HLA-F: variants seen among roughly 807,000 people sequenced by gnomAD.
The protein encoded by HLA-F is major histocompatibility complex, class I, F.
HLA-F carries 46 observed loss-of-function variants against 49.5 expected under a neutral mutation model. The ratio of observed to expected loss-of-function variants is 0.93; its 90% confidence interval spans 0.73 to 1.19. HLA-F has a LOEUF of 1.19. HLA-F is among the 50% of genes most tolerant of loss of function. The pLI is 0.00. For synonymous variants in HLA-F, 203 were observed against 233.5 expected (o/e 0.87, Z 1.19); for missense variants, 496 against 579.6 (o/e 0.86, Z 1.48).
At position 29,723,854 on chromosome 6, in the gene HLA-F, C is replaced by G. The variant is rs1368801137; in HGVS notation, c.261C>G (p.Tyr87Ter). 1 of 1,598,378 alleles carries G rather than the reference C, an allele frequency of 6.3e-7. No individual in the cohort carries two copies. The highest frequency in any genetic ancestry group is 1.3e-5 in the African/African-American group (1 of 74,266). ...GPQYWEWTTGYAKANAQTDRV... is the reference protein window; with the variant it reads ...GPQYWEWTTG ...AGTATTGGGAGTGGACCACAGGGTACGCCAAGGCCAACGCACAGACTGACC... is the reference window on the plus strand; with the variant it reads ...AGTATTGGGAGTGGACCACAGGGTAGGCCAAGGCCAACGCACAGACTGACC... Residue 87 changes from tyrosine to a stop codon, truncating the protein, a stop_gained, in exon 2 of 7, where the codon TAC (tyrosine) becomes TAG (stop). Transcript: ENST00000259951. LOFTEE classifies it high-confidence loss of function.
chr6:29,731,043 A>G (rs1291851470), downstream of HLA-F, among the ~76,000 whole-genome samples: 1 of 151,520 alleles, frequency 6.6e-6, no homozygotes, highest in Non-Finnish European at 1.5e-5. Flanking sequence ...GTTCTCAGAA[A>G]TGTCATGCCC....
At chr6:29,725,939 C>T (rs1205668945) in intron 5 of HLA-F, 72 bp from the exon 6 acceptor site, 2 of 1,511,704 alleles carry the variant, frequency 1.3e-6, no homozygotes, top group African/African-American at 1.4e-5. Context: ...GGATCAAAGA[C>T]TAGGGGTTTG....
intron 3 of HLA-F, chr6:29,736,332 G>A (rs531732848): frequency 5.4e-4 from 235 of 437,064 alleles, no homozygotes; most frequent in African/African-American, 4.5e-3. Flanking sequence ...TACTGCTCTT[G>A]TTGTAGATTC....
At position 29,727,238 on chromosome 6, in the gene HLA-F, T is replaced by C. The variant is rs1776199044; in HGVS notation, c.*63T>C. On this transcript the variant is annotated 3_prime_UTR_variant, in exon 7 of 7. Transcript: ENST00000259951. ...ACCACTAAATACTTCATCACACACC[T>C]CCTAAGAATAAGAACCAACATTATC... 9.8e-7 allele frequency: 1 copy of C among 1,018,428 alleles called. No individual in the cohort carries two copies. Among genetic ancestry groups the C allele is most frequent in the African/African-American group, 1.6e-5 (1 of 62,366 alleles). The allele number at this position is 1,018,428 out of a possible 1,614,324, so 63.1% of individuals were successfully genotyped here.
chr6:29,736,416 A>G (rs548364082), intron 3 of HLA-F: 2 of 453,932 alleles, frequency 4.4e-6, no homozygotes, highest in Admixed American at 4.8e-5. Flanking sequence ...CCAATGCAGC[A>G]TTTCTAAGGA....
rs1020774297 is a variant in HLA-F, at chr6:29,727,123, T to C, written c.1277T>C (p.Leu426Pro). Residue 426 changes from leucine to proline, a missense_variant, in exon 7 of 7, where the codon CTT becomes CCT. Transcript: ENST00000259951. The part of the protein sequence containing the change: ...FGFRRGRSFL[L>P]RSWHHLMKRV... ...TTTAGGAGGGGCAGGAGCTTCCTTCTTCGTTCTTGGCACCATCTTATGAAA... is the reference window on the plus strand; with the variant it reads ...TTTAGGAGGGGCAGGAGCTTCCTTCCTCGTTCTTGGCACCATCTTATGAAA... The C allele has an allele frequency of 3.1e-6, 5 of 1,609,332 alleles. No individual in the cohort carries two copies. The African/African-American group carries it at 5.4e-5, about 17-fold the overall frequency.
chr6:29,724,023 C>G (rs17875381), intron 2 of HLA-F, 96 bp downstream of exon 2: 62,963 of 1,547,666 alleles, frequency 0.041, 1,826 homozygotes, highest in African/African-American at 0.14. Context: ...AAATCTACCC[C>G]GAGGCAGCGG....
Position 29,725,115 on chromosome 6 carries a change from C to A in HLA-F, c.695C>A (p.Ala232Glu), listed in dbSNP as rs769415065. ...TGCTGGGCCCTGGGCTTCTACCCTG[C>A]GGAGATCACGCTGACCTGGCAGCGG... Reference protein sequence around the residue: ...LRCWALGFYPAEITLTWQRDG... With the variant: ...LRCWALGFYPEEITLTWQRDG... Residue 232 changes from alanine (A) to glutamate (E), a missense_variant, in exon 4 of 7, where the codon GCG becomes GAG. Ala to Glu is a moderately radical substitution (Grantham distance 107). Coordinates refer to ENST00000259951, the MANE Select transcript of HLA-F (RefSeq NM_001098479.2). 5 of 1,613,646 alleles carry A rather than the reference C, an allele frequency of 3.1e-6. No homozygotes were observed. In the African/African-American group the frequency reaches 5.3e-5, roughly 17 times the overall value.
chr6:29,726,346 G>A (rs933419737), intron 6 of HLA-F: 2 of 1,574,246 alleles, frequency 1.3e-6, no homozygotes, highest in African/African-American at 2.7e-5. Flanking sequence ...GGGCTATTTA[G>A]AGTGTTACCT....
chr6:29,725,617 A>G, intron 5 of HLA-F, 54 bp downstream of exon 5: 1 of 1,451,618 alleles, frequency 6.9e-7, no homozygotes, highest in Non-Finnish European at 9.7e-7. Context: ...TGGGGGTTGC[A>G]AGCCCCAAGT....
rs370048273 is a variant in HLA-F at position 29,723,434 on chromosome 6, A to G, written c.-30A>G. On this transcript the variant is annotated 5_prime_UTR_variant, in exon 1 of 7. Coordinates refer to ENST00000259951, the MANE Select transcript of HLA-F (RefSeq NM_001098479.2). ...AAGTCCCACGCACCCCGCGGGACTC[A>G]TATTTTTCCCAGACGCGGAGGTTGG... is the stretch of plus-strand genomic sequence containing the variant. 1.9e-6 allele frequency: 3 copies of G among 1,612,584 alleles called. No individual in the cohort carries two copies. The African/African-American group carries it at 4.0e-5, about 22-fold the overall frequency.
chr6:29,732,581 G>C (rs1163145474), intron 3 of HLA-F, among the ~76,000 whole-genome samples: 1 of 152,066 alleles, frequency 6.6e-6, no homozygotes, highest in Non-Finnish European at 1.5e-5. Context: ...GAGTAGCTGG[G>C]ACTACAGGCA....
At chr6:29,732,551 T>C (rs1459225435) in intron 3 of HLA-F, among the ~76,000 whole-genome samples, 2 of 152,094 alleles carry the variant, frequency 1.3e-5, no homozygotes, top group East Asian at 1.9e-4. Context: ...GTTCAAGCAA[T>C]TCTCCTGGCT....
intron 3 of HLA-F, chr6:29,736,688 T>TTTTTA: frequency 3.6e-6 from 1 of 275,642 alleles, no homozygotes. Context: ...TGATTTCTAA[T>TTTTTA]ATGATAGATT....
At chr6:29,725,928 G>A (rs1460900260) in intron 5 of HLA-F, 83 bp from the exon 6 acceptor site, 2 of 1,451,082 alleles carry the variant, frequency 1.4e-6, no homozygotes, top group Non-Finnish European at 1.9e-6. Flanking sequence ...AAACTTCTCT[G>A]GGATCAAAGA....
At chr6:29,731,316 A>G (rs1776589440), downstream of HLA-F, among the ~76,000 whole-genome samples, 1 of 152,128 alleles carries the variant, frequency 6.6e-6, no homozygotes, top group Admixed American at 6.5e-5. Context: ...TGGCTCACAT[A>G]GTTATGGAGG....
chr6:29,735,361 GTGTGTATATATATATATT>G (rs1562309500), intron 3 of HLA-F: 1 of 33,686 alleles, frequency 3.0e-5, no homozygotes, highest in Non-Finnish European at 6.4e-5. Flanking sequence ...GTATATATAT[GTGTGTATATATATATATT>G]TATATATATA....
downstream of HLA-F, among the ~76,000 whole-genome samples, chr6:29,730,273 A>C (rs2743925): frequency 6.6e-6 from 1 of 152,210 alleles, no homozygotes; most frequent in Admixed American, 6.5e-5. Flanking sequence ...TGAGAACACT[A>C]TAAGTGAAAT....
rs1775876161 is a variant in HLA-F at position 29,725,079 on chromosome 6, C to A, written c.659C>A (p.Ala220Asp). 1 of 1,614,022 alleles carries A rather than the reference C, an allele frequency of 6.2e-7. No homozygotes were observed. The highest frequency in any genetic ancestry group is 1.3e-5 in the African/African-American group (1 of 75,050). Reference protein sequence around the residue: ...VAHHPISDHEATLRCWALGFY... With the variant: ...VAHHPISDHEDTLRCWALGFY... ...CACCACCCCATCTCTGACCATGAGG[C>A]CACCCTGAGGTGCTGGGCCCTGGGC... Residue 220 changes from alanine to aspartate, a missense_variant, in exon 4 of 7, where the codon GCC becomes GAC. Physicochemically the swap from Ala to Asp is moderately radical, Grantham distance 126. Coordinates refer to ENST00000259951, the MANE Select transcript of HLA-F (RefSeq NM_001098479.2).
Sources: gnomAD v4.1 joint callset for allele counts (sites outside exome capture counted in the v4.1 genomes callset) on GRCh38, gnomAD v4.1.1 for gene constraint, MANE v1.5 for transcripts, NCBI Gene and HGNC (gene_info 2026-07-23, HGNC 2026-07-21) for gene names.